Variants in SETD5 observed in about 807,000 individuals in gnomAD.
The protein encoded by SETD5 is SET domain containing 5.
Under a neutral mutation model 153.3 loss-of-function variants are expected in SETD5, and 44 were observed. The ratio of observed to expected loss-of-function variants is 0.29; its 90% confidence interval spans 0.23 to 0.37. The LOEUF (loss-of-function observed/expected upper bound fraction) is 0.37. SETD5 is among the 10% of genes least tolerant of loss of function. SETD5 has a pLI of 1.00. For missense variants in SETD5, 1,544 were observed against 1,768.0 expected (o/e 0.87, Z 2.27); for synonymous variants, 716 against 645.2 (o/e 1.11, Z -1.66).
intron 9 of SETD5, 97 bp from the exon 10 acceptor site, chr3:9,442,031 T>G: frequency 1.2e-6 from 1 of 840,424 alleles, no homozygotes. Context: ...TGCAAAAGAC[T>G]GCTGCTGCTT....
intron 1 of SETD5, among the ~76,000 whole-genome samples, chr3:9,414,385 G>GT (rs1491116063): frequency 2.6e-5 from 4 of 151,796 alleles, no homozygotes; most frequent in Non-Finnish European, 4.4e-5. Context: ...TTTTTGGGGA[G>GT]TGTGTGTGTG....
rs968542300 is a variant in SETD5 at position 9,412,406 on chromosome 3, T to G, written c.-176-12061T>G. ...TTTTGGGTTTTTTTTTTTTTTTTTT[T>G]TTTTTTTTTTTAAAGAGACAAGGTC... On this transcript the variant is annotated intron_variant, in intron 1 of 22. Coordinates refer to ENST00000402198, the MANE Select transcript of SETD5 (RefSeq NM_001080517.3). Among the ~76,000 whole-genome samples, 27 of 142,820 alleles carry G rather than the reference T, an allele frequency of 1.9e-4. 1 individual carries two copies. The highest frequency in any genetic ancestry group is 6.2e-4 in the African/African-American group (24 of 38,844). The allele number at this position is 142,820 out of a possible 152,430, so 93.7% of individuals were successfully genotyped here.
chr3:9,476,624 A>G lies in SETD5; in HGVS notation c.*533A>G, dbSNP rs1376617415. The G allele has an allele frequency of 2.6e-5, 4 of 153,738 alleles. No homozygotes were observed. The highest frequency in any genetic ancestry group is 2.0e-4 in the South Asian group (1 of 4,912). The allele number at this position is 153,738 out of a possible 1,614,324, so 9.5% of individuals were successfully genotyped here. A position where few individuals can be genotyped will look rare whatever the true frequency, so the allele number is the denominator to read the frequency against. ...CATTCCAAAAGCAGGTATCTGGCCA[A>G]TGTGTGTCCACCAAGAATACTGTTT... On this transcript the variant is annotated 3_prime_UTR_variant, in exon 23 of 23. Transcript: ENST00000402198.
At chr3:9,450,799 T>A (rs890227763) in intron 16 of SETD5, among the ~76,000 whole-genome samples, 1 of 152,252 alleles carries the variant, frequency 6.6e-6, no homozygotes, top group African/African-American at 2.4e-5. Context: ...CCTGGCCTTG[T>A]AAGTTAAAAA....
In SETD5 at chr3:9,434,085, G is replaced by A. The variant is rs763390734; in HGVS notation, c.177+135G>A. The A allele has an allele frequency of 3.8e-6, 6 of 1,578,108 alleles. No individual in the cohort carries two copies. Among genetic ancestry groups the A allele is most frequent in the African/African-American group, 1.3e-5 (1 of 74,306 alleles). ...CCTTTTGCACTTCCCTGACTCCAGC[G>A]GACGTCTAGCCCTGCATCATTGTTC... On this transcript the variant is annotated intron_variant, in intron 4 of 22. Coordinates refer to ENST00000402198, the MANE Select transcript of SETD5 (RefSeq NM_001080517.3). This position sits in a 1 kb window ranked among gnomAD's most constrained non-coding sequence, Gnocchi z 5.6.
intron 18 of SETD5, among the ~76,000 whole-genome samples, chr3:9,468,855 G>C (rs2044954819): frequency 6.6e-6 from 1 of 151,930 alleles, no homozygotes; most frequent in African/African-American, 2.4e-5. Flanking sequence ...TTTGGGGGAG[G>C]GGGTGGCTGG....
intron 17 of SETD5, among the ~76,000 whole-genome samples, chr3:9,455,471 C>G (rs2043130722): frequency 6.6e-6 from 1 of 151,994 alleles, no homozygotes; most frequent in African/African-American, 2.4e-5. Flanking sequence ...GATTATACCT[C>G]ATAAGTTACC....
At chr3:9,431,436 C>T in intron 3 of SETD5, 1 of 962,690 alleles carries the variant, frequency 1.0e-6, no homozygotes, top group Non-Finnish European at 1.2e-6. Flanking sequence ...TTCCATTATT[C>T]CAAACTTTTA....
At chr3:9,460,390 A>G (rs1053879699) in intron 17 of SETD5, among the ~76,000 whole-genome samples, 15 of 151,894 alleles carry the variant, frequency 9.9e-5, no homozygotes, top group East Asian at 1.9e-4. Flanking sequence ...ATGCTTCTCA[A>G]ATTACTCCTG....
At chr3:9,430,960 A>G (rs1264201475) in intron 3 of SETD5, 4 of 985,334 alleles carry the variant, frequency 4.1e-6, no homozygotes, top group Non-Finnish European at 3.6e-6. Flanking sequence ...GCATTTCTGC[A>G]AAGGGAAAGA....
At chr3:9,468,351 A>T (rs1367039501) in intron 18 of SETD5, among the ~76,000 whole-genome samples, 3 of 152,160 alleles carry the variant, frequency 2.0e-5, no homozygotes, top group Non-Finnish European at 2.9e-5. Flanking sequence ...CATTCTGTCC[A>T]TTGAGATGAG....
intron 18 of SETD5, among the ~76,000 whole-genome samples, chr3:9,470,007 C>T (rs887794950): frequency 6.6e-6 from 1 of 152,124 alleles, no homozygotes; most frequent in African/African-American, 2.4e-5. Context: ...TCCCTTCCCC[C>T]CACCTTCCAT....
At chr3:9,452,432 A>G (rs1447384822) in intron 16 of SETD5, among the ~76,000 whole-genome samples, 1 of 152,162 alleles carries the variant, frequency 6.6e-6, no homozygotes, top group Non-Finnish European at 1.5e-5. Context: ...ATTCATCTTT[A>G]CATCATTATT....
chr3:9,397,749 C>T lies in SETD5; in HGVS notation c.-405C>T, dbSNP rs1229530222. 5.9e-6 allele frequency: 1 copy of T among 168,724 alleles called. No individual in the cohort carries two copies. Among genetic ancestry groups the T allele is most frequent in the African/African-American group, 2.4e-5 (1 of 41,436 alleles). 10.5% of individuals were successfully genotyped at this position (168,724 alleles called of 1,614,324 possible). A position where few individuals can be genotyped will look rare whatever the true frequency, so the allele number is the denominator to read the frequency against. ...GAGACTCACGCAGCCCCAGTCCCGC[C>T]AGTCCGCCAACACAGTAGTGCCGGC... On this transcript the variant is annotated 5_prime_UTR_variant, in exon 1 of 23. Transcript: ENST00000402198.
chr3:9,448,510 T>A lies in SETD5; in HGVS notation c.2226T>A (p.Leu742=). The change falls in exon 16 of 23, where the codon CTT becomes CTA. Residue 742 remains leucine (L), a synonymous_variant. Coordinates refer to ENST00000402198, the MANE Select transcript of SETD5 (RefSeq NM_001080517.3). ...LATTLNMLPG[L]IHSPLICTTP... ...CGACCCTAAACATGTTACCAGGTCT[T>A]ATCCATTCCCCGTTAATTTGCACCA... 6.2e-7 allele frequency: 1 copy of A among 1,613,996 alleles called. No homozygotes were observed. The highest frequency in any genetic ancestry group is 8.5e-7 in the Non-Finnish European group (1 of 1,179,886).
chr3:9,400,997 A>C (rs189047407), intron 1 of SETD5, among the ~76,000 whole-genome samples: 4 of 152,320 alleles, frequency 2.6e-5, no homozygotes, highest in South Asian at 4.1e-4. Flanking sequence ...TTTTTCTCTC[A>C]GAATTTTGAT....
At chr3:9,446,243 C>T (rs1256912207) in intron 13 of SETD5, among the ~76,000 whole-genome samples, 11 of 140,418 alleles carry the variant, frequency 7.8e-5, no homozygotes, top group Non-Finnish European at 1.5e-4. Context: ...GTGGAGATAG[C>T]GCCACTGCAC....
chr3:9,413,528 G>A (rs2036915197), intron 1 of SETD5, among the ~76,000 whole-genome samples: 1 of 151,940 alleles, frequency 6.6e-6, no homozygotes, highest in Admixed American at 6.5e-5. Context: ...TCTTTGCCTA[G>A]AATTGCCATG....
In SETD5 at chr3:9,447,982, A is replaced by T. The variant is rs769998857; in HGVS notation, c.2079A>T (p.Ala693=). The T allele has an allele frequency of 1.2e-6, 2 of 1,613,244 alleles. No homozygotes were observed. Among genetic ancestry groups the T allele is most frequent in the South Asian group, 2.2e-5 (2 of 91,030 alleles). The change falls in exon 15 of 23, where the codon GCA becomes GCT. Residue 693 remains alanine, a synonymous_variant. Transcript: ENST00000402198. ...CTGGATCCCATGTCAACCGTGCTGC[A>T]TCTAAATACCCCAAAACCAAAAAGG... The part of the protein sequence containing the change: ...SITGSHVNRA[A]SKYPKTKKYL...
Sources: allele counts gnomAD v4.1 joint callset (sites outside exome capture counted in the v4.1 genomes callset), GRCh38; gene constraint gnomAD v4.1.1; non-coding constraint Gnocchi (gnomAD v3.1); transcripts MANE v1.5; gene names NCBI Gene and HGNC (gene_info 2026-07-23, HGNC 2026-07-21).